The following ALG3 variants were observed in gnomAD, a reference collection of about 807,000 sequenced individuals.
ALG3 encodes the protein ALG3 alpha-1,3- mannosyltransferase.
A neutral mutation model predicts 50.5 loss-of-function variants in ALG3; 39 were observed. The observed-to-expected ratio is 0.77, with a 90% confidence interval of 0.60 to 1.01. The LOEUF (loss-of-function observed/expected upper bound fraction) is 1.01. Among genes scored for constraint, ALG3 ranks in the 50% least tolerant of loss-of-function variants. The probability of loss-of-function intolerance (pLI) is 0.00; values close to 1 mark genes in which losing one functional copy is unlikely to be tolerated. For synonymous variants in ALG3, 252 were observed against 237.2 expected, an observed-to-expected ratio of 1.06 and a Z score of -0.58; for missense variants, 520 against 554.8, an observed-to-expected ratio of 0.94 and a Z score of 0.63.
chr3:184,247,714 G>A (rs565683641), intron 1 of ALG3, among the ~76,000 whole-genome samples: 1 of 152,252 alleles, frequency 6.6e-6, no homozygotes, highest in South Asian at 2.1e-4. Flanking sequence ...TGAAGCCTTT[G>A]CTGACTCCTC....
Position 184,242,745 on chromosome 3 carries a change from C to T in ALG3, c.1154+68G>A, listed in dbSNP as rs139723936. 7.7e-5 allele frequency: 123 copies of T among 1,595,984 alleles called. 2 individuals are homozygous for T. The Middle Eastern group carries it at 2.8e-3, about 37-fold the overall frequency. On this transcript the variant is annotated intron_variant, in intron 8 of 8. Transcript: ENST00000397676. ...CCTGCAGACCTGCAGCTCCTCATGC[C>T]CTAGACATAAACCCCCAACAGGAAC...
At chr3:184,243,069 G>A in intron 7 of ALG3, 112 bp from the exon 8 acceptor site, 2 of 1,444,030 alleles carry the variant, frequency 1.4e-6, no homozygotes, top group South Asian at 2.6e-5. Flanking sequence ...ATTCCTTGAT[G>A]CATGCCTTTG....
intron 3 of ALG3, 54 bp downstream of exon 3, chr3:184,245,414 C>T: frequency 6.2e-7 from 1 of 1,613,286 alleles, no homozygotes; most frequent in South Asian, 1.1e-5. Flanking sequence ...GAGCCATCCC[C>T]ACCACCCAGC....
Position 184,242,560 on chromosome 3 carries a change from G to C in ALG3, c.1271C>G (p.Pro424Arg), listed in dbSNP as rs79144888. The C allele has an allele frequency of 3.7e-6, 6 of 1,610,578 alleles. No individual in the cohort carries two copies. In the African/African-American group the frequency reaches 4.0e-5, roughly 11 times the overall value. The part of the protein sequence containing the change: ...AVILLQLWLG[P>R]QPFPKSTQHS... ...TTGGGTGCTCTTGGGGAAAGGCTGC[G>C]GGCCCAGCCAGAGCTGCAGCAGGAT... The change falls in exon 9 of 9, where the codon CCG (proline) becomes CGG (arginine). Residue 424 changes from proline (P) to arginine (R), a missense_variant. Transcript: ENST00000397676.
chr3:184,247,068 C>A (rs1195474581), intron 1 of ALG3, among the ~76,000 whole-genome samples: 2 of 151,968 alleles, frequency 1.3e-5, no homozygotes, highest in South Asian at 2.1e-4. Context: ...TCATGCCCAG[C>A]TAATTTTTCT....
chr3:184,242,961 T>A lies in ALG3; in HGVS notation c.1010-4A>T. 1 of 1,613,012 alleles carries A rather than the reference T, an allele frequency of 6.2e-7. No homozygotes were observed. The highest frequency in any genetic ancestry group is 1.1e-5 in the South Asian group (1 of 90,978). On this transcript the variant is annotated splice_polypyrimidine_tract_variant and splice_region_variant and intron_variant, in intron 7 of 8. Coordinates refer to ENST00000397676, the MANE Select transcript of ALG3 (RefSeq NM_005787.6). ...GTGAAGAGGGTAGAAACGATCTGTATGCGGTGGTCAAGGCCAAGGGCAGGA... is the reference window on the plus strand; with the variant it reads ...GTGAAGAGGGTAGAAACGATCTGTAAGCGGTGGTCAAGGCCAAGGGCAGGA...
intron 1 of ALG3, among the ~76,000 whole-genome samples, chr3:184,247,386 C>G (rs978903130): frequency 1.3e-5 from 2 of 151,994 alleles, no homozygotes; most frequent in Non-Finnish European, 2.9e-5. Flanking sequence ...CAACCTCCAC[C>G]TCCCGGGTTC....
At position 184,248,914 on chromosome 3, in the gene ALG3, G is replaced by A; in HGVS notation, c.27C>T (p.Gly9=). Residue 9 remains glycine (G), a synonymous_variant, in exon 1 of 9, where the codon GGC becomes GGT. Coordinates refer to ENST00000397676, the MANE Select transcript of ALG3 (RefSeq NM_005787.6). ...CTGCCTGGGCCGCGGAACCGGACCG[G>A]CCGCGTTTCCGCAGCCCAGCCGCCA... is the stretch of plus-strand genomic sequence containing the variant. MAAGLRKR[G]RSGSAAQAEG... 1.3e-6 allele frequency: 2 copies of A among 1,592,028 alleles called. No individual in the cohort carries two copies. Among genetic ancestry groups the A allele is most frequent in the Admixed American group, 1.7e-5 (1 of 57,576 alleles).
Position 184,242,596 on chromosome 3 carries a change from C to A in ALG3, c.1235G>T (p.Cys412Phe). 6.2e-7 allele frequency: 1 copy of A among 1,601,344 alleles called. No homozygotes were observed. Among genetic ancestry groups the A allele is most frequent in the Non-Finnish European group, 8.5e-7 (1 of 1,171,658 alleles). ...TSCSSAALHI[C>F]HAVILLQLWL... ...GAGCTGCAGCAGGATGACGGCATGG[C>A]ATATGTGCAGGGCAGCAGAGCTGCA... The change falls in exon 9 of 9, where the codon TGC (cysteine) becomes TTC (phenylalanine). Residue 412 changes from cysteine to phenylalanine, a missense_variant. Cys to Phe is a radical substitution (Grantham distance 205). Around this residue, in one of 3 missense-constraint regions of ALG3, gnomAD observed 224 missense variants for 272.8 expected, o/e 0.82. Transcript: ENST00000397676.
chr3:184,243,173 AC>A, intron 7 of ALG3: 1 of 647,592 alleles, frequency 1.5e-6, no homozygotes, highest in Non-Finnish European at 2.6e-6. Flanking sequence ...GTGGGTTTGA[AC>A]CCCTAACTTA....
At chr3:184,246,621 T>C (rs990154790) in intron 1 of ALG3, among the ~76,000 whole-genome samples, 1 of 152,030 alleles carries the variant, frequency 6.6e-6, no homozygotes, top group African/African-American at 2.4e-5. Context: ...CTTCACTTGA[T>C]TTCTACACTC....
upstream of ALG3, chr3:184,249,133 G>C (rs946820021): frequency 4.7e-6 from 7 of 1,495,214 alleles, no homozygotes; most frequent in Non-Finnish European, 6.4e-6. Flanking sequence ...CATAGGAGCA[G>C]GGACAATGTC....
At position 184,242,878 on chromosome 3, in the gene ALG3, C is replaced by G; in HGVS notation, c.1089G>C (p.Trp363Cys). ...GGAGGTAGGGCAGTGTGTGGAAATA[C>G]CAGACGTAGAACTGGTAGTGGAGGG... ...SRSLHYQFYV[W>C]YFHTLPYLLW... Residue 363 changes from tryptophan (W) to cysteine (C), a missense_variant, in exon 8 of 9, where the codon TGG becomes TGC. Coordinates refer to ENST00000397676, the MANE Select transcript of ALG3 (RefSeq NM_005787.6). 6.2e-7 allele frequency: 1 copy of G among 1,613,884 alleles called. No individual in the cohort carries two copies. Among genetic ancestry groups the G allele is most frequent in the Non-Finnish European group, 8.5e-7 (1 of 1,179,906 alleles).
chr3:184,246,353 C>A (rs1194206674), intron 1 of ALG3, among the ~76,000 whole-genome samples: 1 of 152,132 alleles, frequency 6.6e-6, no homozygotes, highest in African/African-American at 2.4e-5. Context: ...CATAACAGGC[C>A]TCTGCTTAAA....
intron 1 of ALG3, 36 bp downstream of exon 1, chr3:184,248,709 C>A: frequency 2.4e-6 from 3 of 1,249,022 alleles, no homozygotes. Flanking sequence ...GTTCAGGTCT[C>A]CCTCCCTCCC....
Position 184,242,389 on chromosome 3 carries a change from C to T in ALG3, c.*125G>A, listed in dbSNP as rs929474225. On this transcript the variant is annotated 3_prime_UTR_variant, in exon 9 of 9. Transcript: ENST00000397676. ...GTCCCTCACAGCCTGGACCAGGCAT[C>T]GGCTGCCCCCACCTCCATGTAGGTT... 1.5e-5 allele frequency: 18 copies of T among 1,221,600 alleles called. No individual in the cohort carries two copies. Among genetic ancestry groups the T allele is most frequent in the East Asian group, 7.6e-5 (3 of 39,406 alleles). The allele number at this position is 1,221,600 out of a possible 1,614,324, so 75.7% of individuals were successfully genotyped here.
intron 4 of ALG3, 71 bp downstream of exon 4, chr3:184,245,127 C>T: frequency 1.9e-6 from 3 of 1,582,508 alleles, no homozygotes; most frequent in Non-Finnish European, 2.6e-6. Flanking sequence ...TTTACTCCCT[C>T]TGCTGCAGGA....
chr3:184,245,123 C>T (rs1163161966), intron 4 of ALG3, 75 bp downstream of exon 4: 1 of 1,573,240 alleles, frequency 6.4e-7, no homozygotes, highest in South Asian at 1.2e-5. Context: ...CTCCTTTACT[C>T]CCTCTGCTGC....
upstream of ALG3, chr3:184,249,067 T>C: frequency 6.7e-7 from 1 of 1,486,196 alleles, no homozygotes; most frequent in Non-Finnish European, 9.2e-7. Flanking sequence ...AGTCTTCATT[T>C]ACTCCACTAA....
Sources: allele counts gnomAD v4.1 joint callset (sites outside exome capture counted in the v4.1 genomes callset), GRCh38; gene constraint gnomAD v4.1.1; regional missense constraint gnomAD v4.1.1; transcripts MANE v1.5; gene names NCBI Gene and HGNC (gene_info 2026-07-23, HGNC 2026-07-21).